HYAL4: variants seen among roughly 807,000 people sequenced by gnomAD.
HYAL4 encodes hyaluronidase-4.
Under a neutral mutation model 35.2 loss-of-function variants are expected in HYAL4, and 37 were observed. That is an observed-to-expected ratio of 1.05 (90% CI 0.81 to 1.38). The LOEUF (loss-of-function observed/expected upper bound fraction) is 1.38. Among genes scored for constraint, HYAL4 ranks in the 40% most tolerant of loss-of-function variants. The pLI, the probability that HYAL4 is intolerant of heterozygous loss-of-function variation, is 0.00. For missense variants in HYAL4, 572 were observed against 572.4 expected (o/e 1.00, Z 0.01); for synonymous variants, 198 against 203.2 (o/e 0.97, Z 0.22).
the HYAL4 span, among the ~76,000 whole-genome samples, chr7:123,799,545 T>A: frequency 6.6e-6 from 1 of 151,682 alleles, no homozygotes; most frequent in Non-Finnish European, 1.5e-5. Context: ...TCCCAGCACT[T>A]TGGGAGGCCA....
the HYAL4 span, among the ~76,000 whole-genome samples, chr7:123,821,728 T>G: frequency 6.6e-6 from 1 of 152,214 alleles, no homozygotes. Context: ...AAGACCAGTG[T>G]CAAGAAGCAT....
chr7:123,829,043 T>A (rs1805841512), exon 1 of HYAL4: 1 of 152,608 alleles, frequency 6.6e-6, no homozygotes, highest in Non-Finnish European at 1.5e-5. Flanking sequence ...AGCTCTGCAG[T>A]CAGAGTCTAT....
At chr7:123,872,459 T>G (rs1338831439) in intron 3 of HYAL4, among the ~76,000 whole-genome samples, 3 of 152,194 alleles carry the variant, frequency 2.0e-5, no homozygotes, top group Non-Finnish European at 4.4e-5. Context: ...GTGGGCACGT[T>G]GCTTACATGC....
At chr7:123,791,464 A>G in the HYAL4 span, among the ~76,000 whole-genome samples, 1 of 152,356 alleles carries the variant, frequency 6.6e-6, no homozygotes, top group East Asian at 1.9e-4. Flanking sequence ...CCATCTCCAA[A>G]TCATAACTTA....
the HYAL4 span, among the ~76,000 whole-genome samples, chr7:123,768,828 T>C: frequency 6.6e-6 from 1 of 152,206 alleles, no homozygotes. Flanking sequence ...GCTGAGGAGA[T>C]TGTCCATTGG....
the HYAL4 span, among the ~76,000 whole-genome samples, chr7:123,788,701 T>C: frequency 6.6e-6 from 1 of 152,242 alleles, no homozygotes; most frequent in Non-Finnish European, 1.5e-5. Context: ...TGTACTTTGC[T>C]TTTGTTACAT....
At chr7:123,862,217 C>T (rs777426572) in intron 2 of HYAL4, among the ~76,000 whole-genome samples, 2 of 152,042 alleles carry the variant, frequency 1.3e-5, no homozygotes, top group Non-Finnish European at 2.9e-5. Flanking sequence ...ATATATTTTT[C>T]ATCATTGGCA....
the HYAL4 span, among the ~76,000 whole-genome samples, chr7:123,816,618 T>C: frequency 5.9e-5 from 9 of 152,166 alleles, no homozygotes; most frequent in Admixed American, 5.2e-4. Context: ...TTTTTAATCT[T>C]TTTTATTTTT....
upstream of HYAL4, among the ~76,000 whole-genome samples, chr7:123,825,762 G>A (rs779297438): frequency 2.6e-5 from 4 of 151,870 alleles, no homozygotes; most frequent in African/African-American, 9.7e-5. Flanking sequence ...GATTAGTTAG[G>A]CTTGTCAGAT....
At chr7:123,794,361 G>C in the HYAL4 span, among the ~76,000 whole-genome samples, 1 of 152,226 alleles carries the variant, frequency 6.6e-6, no homozygotes, top group South Asian at 2.1e-4. Flanking sequence ...TAAGTAACAA[G>C]AGGTGAATGA....
At chr7:123,778,188 T>C in the HYAL4 span, among the ~76,000 whole-genome samples, 1 of 151,270 alleles carries the variant, frequency 6.6e-6, no homozygotes, top group Non-Finnish European at 1.5e-5. Flanking sequence ...TATCTATCTA[T>C]CTATCTATCA....
upstream of HYAL4, among the ~76,000 whole-genome samples, chr7:123,826,642 A>G (rs1805805750): frequency 6.6e-6 from 1 of 152,174 alleles, no homozygotes; most frequent in East Asian, 1.9e-4. Flanking sequence ...GGATATTTTT[A>G]ATCTGTAAAA....
chr7:123,803,216 C>T, the HYAL4 span, among the ~76,000 whole-genome samples: 1 of 151,906 alleles, frequency 6.6e-6, no homozygotes, highest in Non-Finnish European at 1.5e-5. Flanking sequence ...TTGCTTTAGT[C>T]CAGGAGTTTG....
chr7:123,845,918 C>G (rs534525119), intron 1 of HYAL4, among the ~76,000 whole-genome samples: 2 of 152,286 alleles, frequency 1.3e-5, no homozygotes, highest in African/African-American at 2.4e-5. Context: ...ATTGTTATCT[C>G]TCTTCTGTAT....
the HYAL4 span, among the ~76,000 whole-genome samples, chr7:123,805,770 C>T: frequency 6.6e-6 from 1 of 151,990 alleles, no homozygotes; most frequent in Admixed American, 6.6e-5. Flanking sequence ...CATAAACACA[C>T]CAGTTAAAAG....
rs563341131 is a variant in HYAL4 at position 123,868,980 on chromosome 7, C to G, written c.707C>G (p.Ser236Ter). ...GTTTATGCCCCAAACTACTCTGGGT[C>G]ATGCCCAGAAGACGAAGTCTTGAGG... ...YNVYAPNYSG[S>*]CPEDEVLRNN... The change falls in exon 3 of 5, where the codon TCA (serine) becomes TGA (stop). Residue 236 changes from serine to a stop codon, truncating the protein, a stop_gained. Transcript: ENST00000223026. LOFTEE classifies it high-confidence loss of function. The G allele has an allele frequency of 2.5e-6, 4 of 1,613,826 alleles. No homozygotes were observed. The highest frequency in any genetic ancestry group is 4.5e-5 in the East Asian group (2 of 44,860).
chr7:123,778,288 G>A, the HYAL4 span, among the ~76,000 whole-genome samples: 1 of 152,006 alleles, frequency 6.6e-6, no homozygotes, highest in East Asian at 1.9e-4. Flanking sequence ...CATTTCCTAA[G>A]TGTATTCTTT....
At chr7:123,839,743 G>A (rs577744643) in intron 1 of HYAL4, among the ~76,000 whole-genome samples, 1 of 152,200 alleles carries the variant, frequency 6.6e-6, no homozygotes, top group Non-Finnish European at 1.5e-5. Context: ...CAGTGATGAT[G>A]AGAACTTTTT....
chr7:123,834,837 T>A (rs1281302248), intron 1 of HYAL4, among the ~76,000 whole-genome samples: 1 of 152,222 alleles, frequency 6.6e-6, no homozygotes, highest in Non-Finnish European at 1.5e-5. Flanking sequence ...ATTGAGATGA[T>A]CATGTGATTT....
Sources: allele counts gnomAD v4.1 joint callset (sites outside exome capture counted in the v4.1 genomes callset), GRCh38; gene constraint gnomAD v4.1.1; transcripts MANE v1.5; gene names NCBI Gene and HGNC (gene_info 2026-07-23, HGNC 2026-07-21).